The following RFWD3 variants were observed in gnomAD, a reference collection of about 807,000 sequenced individuals.
RFWD3 encodes E3 ubiquitin-protein ligase RFWD3.
RFWD3 carries 65 observed loss-of-function variants against 87.7 expected under a neutral mutation model. The ratio of observed to expected loss-of-function variants is 0.74; its 90% CI spans 0.61 to 0.91. RFWD3 has a LOEUF of 0.91. Among genes scored for constraint, RFWD3 ranks in the 40% least tolerant of loss-of-function variants. The probability of loss-of-function intolerance (pLI) is 0.00; values close to 1 mark genes in which losing one functional copy is unlikely to be tolerated. For missense variants in RFWD3, 1,078 were observed against 938.5 expected, an observed-to-expected ratio of 1.15 and a Z score of -1.94; for synonymous variants, 433 against 352.8, an observed-to-expected ratio of 1.23 and a Z score of -2.55.
intron 6 of RFWD3, among the ~76,000 whole-genome samples, chr16:74,638,238 A>C (rs1186652367): frequency 6.6e-6 from 1 of 152,204 alleles, no homozygotes; most frequent in East Asian, 1.9e-4. Context: ...TCTAGTGTTC[A>C]GCTACGGCAA....
At chr16:74,656,155 G>A (rs1276888328) in intron 2 of RFWD3, among the ~76,000 whole-genome samples, 2 of 151,882 alleles carry the variant, frequency 1.3e-5, no homozygotes, top group Non-Finnish European at 2.9e-5. Context: ...AAAATTAGCT[G>A]GGTGTGGCGG....
intron 9 of RFWD3, among the ~76,000 whole-genome samples, chr16:74,631,987 T>C (rs1959111173): frequency 1.3e-5 from 2 of 152,202 alleles, no homozygotes; most frequent in African/African-American, 4.8e-5. Flanking sequence ...GTAATATACA[T>C]AGTTTCAAAG....
intron 6 of RFWD3, among the ~76,000 whole-genome samples, chr16:74,642,097 G>A (rs1006717344): frequency 2.0e-5 from 3 of 152,038 alleles, no homozygotes; most frequent in African/African-American, 7.2e-5. Context: ...ATGGAATTAA[G>A]AACTTAGTTC....
rs56890104 is a variant in RFWD3 at position 74,666,845 on chromosome 16, G to GCCGAACACTCGGTAGTTACCTCC, written c.-63_-62insGGAGGTAACTACCGAGTGTTCGG. 6.6e-6 allele frequency: 1 copy of GCCGAACACTCGGTAGTTACCTCC among 150,860 alleles called. No individual in the cohort carries two copies. The highest frequency in any genetic ancestry group is 2.4e-5 in the African/African-American group (1 of 41,052). The allele number at this position is 150,860 out of a possible 1,614,324, so 9.3% of individuals were successfully genotyped here. A position where few individuals can be genotyped will look rare whatever the true frequency, so the allele number is the denominator to read the frequency against. ...CCGCCGAAGACTCGGTAGTTACCTCGGCCGCACTCCGAATGCACCTACGCC... is the reference window on the plus strand; with the variant it reads ...CCGCCGAAGACTCGGTAGTTACCTCGCCGAACACTCGGTAGTTACCTCCGCCGCACTCCGAATGCACCTACGCC... On this transcript the variant is annotated 5_prime_UTR_variant, in exon 1 of 13. Transcript: ENST00000361070.
intron 10 of RFWD3, among the ~76,000 whole-genome samples, chr16:74,629,533 C>G (rs996768891): frequency 6.6e-6 from 1 of 151,948 alleles, no homozygotes; most frequent in Non-Finnish European, 1.5e-5. Flanking sequence ...GTGGCACACG[C>G]GTATAGTCCC....
In RFWD3 at chr16:74,637,707, C is replaced by A. The variant is rs554137313; in HGVS notation, c.1194+149G>T. 57 of 577,684 alleles carry A rather than the reference C, an allele frequency of 9.9e-5. No homozygotes were observed. In the South Asian group the frequency reaches 1.1e-3, roughly 11 times the overall value. 35.8% of individuals were successfully genotyped at this position (577,684 alleles called of 1,614,324 possible). A position where few individuals can be genotyped will look rare whatever the true frequency, so the allele number is the denominator to read the frequency against. ...GTGTAGTAAGTTTTGAACAGATGCC[C>A]TAATCAGAAATAAAATAAGGAGTTG... On this transcript the variant is annotated intron_variant, in intron 7 of 12. Coordinates refer to ENST00000361070, the MANE Select transcript of RFWD3 (RefSeq NM_018124.4).
intron 4 of RFWD3, among the ~76,000 whole-genome samples, chr16:74,647,917 C>T (rs1960281573): frequency 6.6e-6 from 1 of 151,948 alleles, no homozygotes; most frequent in South Asian, 2.1e-4. Flanking sequence ...TAAAAATTAT[C>T]ACCTACTAAC....
chr16:74,636,317 C>G (rs764816178), intron 8 of RFWD3, 29 bp downstream of exon 8: 1 of 1,584,240 alleles, frequency 6.3e-7, no homozygotes, highest in Non-Finnish European at 8.7e-7. Context: ...TAATAAAGAA[C>G]ATGAAAGCTG....
At chr16:74,632,366 T>G (rs554742567) in intron 9 of RFWD3, among the ~76,000 whole-genome samples, 157 bp downstream of exon 9, 4 of 152,102 alleles carry the variant, frequency 2.6e-5, no homozygotes, top group Non-Finnish European at 5.9e-5. Flanking sequence ...CACTCCAGCC[T>G]GGGTGACAGA....
At chr16:74,656,429 T>C (rs1960994620) in intron 2 of RFWD3, among the ~76,000 whole-genome samples, 1 of 152,138 alleles carries the variant, frequency 6.6e-6, no homozygotes, top group Non-Finnish European at 1.5e-5. Context: ...CTGCCAGTGA[T>C]TCCTCTAATG....
rs181816400 is a variant in RFWD3, at chr16:74,632,406, A to G, written c.1577+117T>C. 2,502 of 1,275,234 alleles carry G rather than the reference A, an allele frequency of 2.0e-3. 38 individuals carry two copies. Among genetic ancestry groups the G allele is most frequent in the South Asian group, 0.013 (924 of 72,570 alleles). 79.0% of individuals were successfully genotyped at this position (1,275,234 alleles called of 1,614,324 possible). A position where few individuals can be genotyped will look rare whatever the true frequency, so the allele number is the denominator to read the frequency against. On this transcript the variant is annotated intron_variant, in intron 9 of 12. Coordinates refer to ENST00000361070, the MANE Select transcript of RFWD3 (RefSeq NM_018124.4). ...GACTCCATCTCAAAAAAACAAAACA[A>G]AACAAAACAACAACAACAACAAAAA...
At chr16:74,633,182 C>A (rs564776869) in intron 8 of RFWD3, among the ~76,000 whole-genome samples, 2 of 150,518 alleles carry the variant, frequency 1.3e-5, no homozygotes, top group East Asian at 2.0e-4. Flanking sequence ...GAGGCTGAGG[C>A]AGGAGAATCG....
In RFWD3 at chr16:74,623,822, C is replaced by T; in HGVS notation, c.*106G>A. ...ACTAATGCAAACAAACCATGATTCC[C>T]AATGTTCTAGACTGCAGACAATAAA... On this transcript the variant is annotated 3_prime_UTR_variant, in exon 13 of 13. Coordinates refer to ENST00000361070, the MANE Select transcript of RFWD3 (RefSeq NM_018124.4). 8.1e-7 allele frequency: 1 copy of T among 1,238,732 alleles called. No homozygotes were observed. Among genetic ancestry groups the T allele is most frequent in the Non-Finnish European group, 1.1e-6 (1 of 871,676 alleles). 76.7% of individuals were successfully genotyped at this position (1,238,732 alleles called of 1,614,324 possible).
chr16:74,658,739 T>C (rs1567586344), intron 2 of RFWD3, among the ~76,000 whole-genome samples: 1 of 152,028 alleles, frequency 6.6e-6, no homozygotes, highest in African/African-American at 2.4e-5. Flanking sequence ...AAATTCTGTA[T>C]AACTCATTCC....
Position 74,659,088 on chromosome 16 carries a change from G to A in RFWD3, c.518+1844C>T, listed in dbSNP as rs1270221700. On this transcript the variant is annotated intron_variant, in intron 2 of 12. Coordinates refer to ENST00000361070, the MANE Select transcript of RFWD3 (RefSeq NM_018124.4). The stretch of plus-strand genomic sequence containing the variant: ...TCAAGCAATTTTCTCACTAGAGTTT[G>A]GCTTCTGTTTGGCTCTCTAGTGGTT... Among the ~76,000 whole-genome samples, 2 of 152,112 alleles carry A rather than the reference G, an allele frequency of 1.3e-5. 1 individual carries two copies. The highest frequency in any genetic ancestry group is 2.9e-5 in the Non-Finnish European group (2 of 68,036).
intron 8 of RFWD3, 143 bp from the exon 9 acceptor site, chr16:74,632,816 T>G (rs1463029317): frequency 1.5e-6 from 1 of 680,878 alleles, no homozygotes; most frequent in East Asian, 2.8e-5. Flanking sequence ...AATTCTCTAG[T>G]GTTACAATTT....
intron 2 of RFWD3, among the ~76,000 whole-genome samples, chr16:74,654,336 T>C (rs1256544066): frequency 6.6e-6 from 1 of 152,240 alleles, no homozygotes; most frequent in Non-Finnish European, 1.5e-5. Flanking sequence ...CTTTATTATT[T>C]CTTTCTGTCT....
chr16:74,643,700 G>C (rs1041147329), intron 6 of RFWD3, among the ~76,000 whole-genome samples: 2 of 117,284 alleles, frequency 1.7e-5, no homozygotes, highest in Admixed American at 2.0e-4. Context: ...TTTTGAGACG[G>C]AGTCTTGCTC....
chr16:74,645,459 G>A (rs373320915), intron 4 of RFWD3, among the ~76,000 whole-genome samples: 1 of 152,144 alleles, frequency 6.6e-6, no homozygotes, highest in Non-Finnish European at 1.5e-5. Flanking sequence ...AAACCTAGAC[G>A]GTGTAAACTA....
Sources: gnomAD v4.1 joint callset for allele counts (sites outside exome capture counted in the v4.1 genomes callset) on GRCh38, gnomAD v4.1.1 for gene constraint, MANE v1.5 for transcripts, NCBI Gene and HGNC (gene_info 2026-07-23, HGNC 2026-07-21) for gene names.